IL2RB: variants seen among roughly 807,000 people sequenced by gnomAD.
IL2RB encodes the protein interleukin-2 receptor subunit beta.
A neutral mutation model predicts 44.2 loss-of-function variants in IL2RB; 17 were observed. The observed-to-expected ratio is 0.38, with a 90% CI of 0.26 to 0.58. The LOEUF is 0.58. IL2RB is among the 20% of genes least tolerant of loss of function. IL2RB has a pLI of 0.63. For missense variants in IL2RB, 624 were observed against 685.5 expected (o/e 0.91, Z 1.00); for synonymous variants, 286 against 297.9 (o/e 0.96, Z 0.41).
At chr22:37,148,816 CG>C (rs1436046169) in intron 1 of IL2RB, among the ~76,000 whole-genome samples, 1 of 152,066 alleles carries the variant, frequency 6.6e-6, no homozygotes, top group Non-Finnish European at 1.5e-5. Flanking sequence ...AGGTGCAGTT[CG>C]GGGCCCCTGC....
chr22:37,166,749 G>A (rs1021255200), intron 1 of IL2RB: 4 of 152,234 alleles, frequency 2.6e-5, no homozygotes, highest in African/African-American at 9.7e-5. Flanking sequence ...TTGTGCTGCA[G>A]GAGGGAGGTG....
chr22:37,160,445 C>T (rs7289204), intron 1 of IL2RB, among the ~76,000 whole-genome samples: 3,109 of 152,242 alleles, frequency 0.02, 91 homozygotes, highest in African/African-American at 0.071. Flanking sequence ...CCATGGGGGC[C>T]AGGTAGGAAG....
At chr22:37,169,470 C>T (rs1461101704) in intron 1 of IL2RB, among the ~76,000 whole-genome samples, 2 of 152,192 alleles carry the variant, frequency 1.3e-5, no homozygotes, top group Admixed American at 6.5e-5. Context: ...TGTCATCCTT[C>T]ACTCTGCATC....
intron 5 of IL2RB, 35 bp from the exon 6 acceptor site, chr22:37,137,770 C>G: frequency 1.3e-6 from 2 of 1,587,588 alleles, no homozygotes; most frequent in Non-Finnish European, 1.7e-6. Context: ...GAGCAGTCAG[C>G]CATGACCTCC....
In IL2RB at chr22:37,170,866, G is replaced by A. The variant is rs146921407; in HGVS notation, c.-34+4092C>T. Among the ~76,000 whole-genome samples the A allele has an allele frequency of 2.8e-3, 433 of 152,286 alleles. 1 individual carries two copies. Among genetic ancestry groups the A allele is most frequent in the African/African-American group, 9.4e-3 (392 of 41,540 alleles). On this transcript the variant is annotated intron_variant, in intron 1 of 5. Coordinates refer to the IL2RB transcript ENST00000429622. ...AGAAATCCTGCAAAATTCTGGGAGCGCCTTTCTGTGGTTGGAAGCTGGGCA... is the reference window on the plus strand; with the variant it reads ...AGAAATCCTGCAAAATTCTGGGAGCACCTTTCTGTGGTTGGAAGCTGGGCA...
chr22:37,161,347 T>A (rs959634812), intron 1 of IL2RB, among the ~76,000 whole-genome samples: 2 of 152,170 alleles, frequency 1.3e-5, no homozygotes, highest in Non-Finnish European at 2.9e-5. Flanking sequence ...GTCCTGGATA[T>A]TTAGTTTACA....
In IL2RB at chr22:37,139,195, C is replaced by T. The variant is rs892258127; in HGVS notation, c.310G>A (p.Val104Ile). Residue 104 changes from valine to isoleucine, a missense_variant, in exon 5 of 10, where the codon GTC (valine) becomes ATC (isoleucine). Physicochemically the swap from Val to Ile is conservative, Grantham distance 29. Around this residue, in one of 3 missense-constraint regions of IL2RB, gnomAD observed 255 missense variants for 339.9 expected, o/e 0.75. Coordinates refer to ENST00000216223, the MANE Select transcript of IL2RB (RefSeq NM_000878.5). ...TCACGGCACAGCACCCTCAGGGTGA[C>T]GATGTCAACTGTGGTCAGTTTCTGA... The part of the protein sequence containing the change: ...DSQKLTTVDI[V>I]TLRVLCREGV... 12 of 1,613,318 alleles carry T rather than the reference C, an allele frequency of 7.4e-6. No individual in the cohort carries two copies. In the East Asian group the frequency reaches 2.0e-4, roughly 27 times the overall value.
At chr22:37,145,932 G>T (rs773911378) in intron 1 of IL2RB, among the ~76,000 whole-genome samples, 11 of 152,024 alleles carry the variant, frequency 7.2e-5, no homozygotes, top group Non-Finnish European at 1.3e-4. Flanking sequence ...CCAGCCCTCA[G>T]CTTCCCAGGG....
rs1921186726 is a variant in IL2RB at position 37,127,669 on chromosome 22, C to G, written c.*427G>C. On this transcript the variant is annotated 3_prime_UTR_variant, in exon 10 of 10. Transcript: ENST00000216223. ...TTGGGTTTTGGAAAGCACGCTCAGG[C>G]TGCCCTGTGGACGGGGAGGGGAGGG... 2 of 157,560 alleles carry G rather than the reference C, an allele frequency of 1.3e-5. No individual in the cohort carries two copies. Among genetic ancestry groups the G allele is most frequent in the African/African-American group, 4.8e-5 (2 of 41,592 alleles). 9.8% of individuals were successfully genotyped at this position (157,560 alleles called of 1,614,324 possible). A position where few individuals can be genotyped will look rare whatever the true frequency, so the allele number is the denominator to read the frequency against.
At chr22:37,132,262 G>A (rs1325793257) in intron 9 of IL2RB, 122 bp downstream of exon 9, 8 of 690,504 alleles carry the variant, frequency 1.2e-5, no homozygotes, top group East Asian at 8.2e-5. Flanking sequence ...TGCACACCCC[G>A]GAGGCTGCTC....
chr22:37,137,073 A>ACTGC (rs1012606649), intron 6 of IL2RB, among the ~76,000 whole-genome samples: 1 of 152,112 alleles, frequency 6.6e-6, no homozygotes, highest in Non-Finnish European at 1.5e-5. Flanking sequence ...CTGCTGACTG[A>ACTGC]CTGCCTGCCT....
At chr22:37,146,443 G>A (rs1228217196) in intron 1 of IL2RB, among the ~76,000 whole-genome samples, 3 of 151,980 alleles carry the variant, frequency 2.0e-5, no homozygotes, top group Non-Finnish European at 4.4e-5. Context: ...CACACACACC[G>A]CACCTACCTG....
intron 1 of IL2RB, among the ~76,000 whole-genome samples, chr22:37,156,541 C>T (rs928211326): frequency 6.6e-6 from 1 of 152,188 alleles, no homozygotes; most frequent in South Asian, 2.1e-4. Context: ...ACCAAGAGAG[C>T]TATTCAAGCT....
chr22:37,163,332 C>T (rs1161907983), intron 1 of IL2RB, among the ~76,000 whole-genome samples: 1 of 152,102 alleles, frequency 6.6e-6, no homozygotes, highest in Non-Finnish European at 1.5e-5. Context: ...GTCTCATTGG[C>T]TAAGATCACG....
At chr22:37,169,033 G>A (rs368244923) in intron 1 of IL2RB, among the ~76,000 whole-genome samples, 1 of 151,828 alleles carries the variant, frequency 6.6e-6, no homozygotes, top group African/African-American at 2.4e-5. Flanking sequence ...TGTTTACAGA[G>A]GAGTTCTGTT....
intron 1 of IL2RB, among the ~76,000 whole-genome samples, chr22:37,171,849 A>G (rs909037062): frequency 2.6e-5 from 4 of 152,192 alleles, no homozygotes; most frequent in Admixed American, 6.5e-5. Context: ...GAAAACTCCT[A>G]CACAGCCTTC....
chr22:37,137,393 C>T (rs1427946502), intron 6 of IL2RB, among the ~76,000 whole-genome samples, 194 bp downstream of exon 6: 1 of 152,142 alleles, frequency 6.6e-6, no homozygotes, highest in Non-Finnish European at 1.5e-5. Context: ...AGCTGGATCC[C>T]CAGGATTAAG....
At chr22:37,147,659 A>T (rs1471446769) in intron 1 of IL2RB, among the ~76,000 whole-genome samples, 1 of 152,230 alleles carries the variant, frequency 6.6e-6, no homozygotes, top group Non-Finnish European at 1.5e-5. Context: ...ACCCTGCCAG[A>T]CACTGGTCCC....
At chr22:37,164,783 G>A (rs1923012442) in intron 1 of IL2RB, among the ~76,000 whole-genome samples, 1 of 152,162 alleles carries the variant, frequency 6.6e-6, no homozygotes, top group South Asian at 2.1e-4. Context: ...GAATGCTACA[G>A]AGCAGAAAGT....
Sources: gnomAD v4.1 joint callset for allele counts (sites outside exome capture counted in the v4.1 genomes callset) on GRCh38, gnomAD v4.1.1 for gene constraint, gnomAD v4.1.1 regional missense constraint, MANE v1.5 for transcripts, NCBI Gene and HGNC (gene_info 2026-07-23, HGNC 2026-07-21) for gene names.